BRD1: variants seen among roughly 807,000 people sequenced by gnomAD.
BRD1 encodes bromodomain containing 1, also known as bromodomain-containing protein 1.
Under a neutral mutation model 107.7 loss-of-function variants are expected in BRD1, and 24 were observed. The ratio of observed to expected loss-of-function variants is 0.22; its 90% CI spans 0.16 to 0.31. BRD1 has a LOEUF of 0.31. Among genes scored for constraint, BRD1 ranks in the 10% least tolerant of loss-of-function variants. The pLI, the probability that BRD1 is intolerant of heterozygous loss-of-function variation, is 1.00. For synonymous variants in BRD1, 744 were observed against 686.1 expected (o/e 1.08, Z -1.32); for missense variants, 1,279 against 1,638.6 (o/e 0.78, Z 3.79).
rs1440645198 is a variant in BRD1, at chr22:49,824,980, AACAGGGGAGCCCT to A, written c.-14-662_-14-650del. Among the ~76,000 whole-genome samples the A allele has an allele frequency of 3.9e-5, 6 of 152,206 alleles. No individual in the cohort carries two copies. The South Asian group carries it at 8.3e-4, about 21-fold the overall frequency. On this transcript the variant is annotated intron_variant, in intron 1 of 12. Coordinates refer to ENST00000404760, the MANE Select transcript of BRD1 (RefSeq NM_001304808.3). The surrounding 1 kb of genome is among the most constrained non-coding windows in gnomAD (Gnocchi z 5.9). The stretch of plus-strand genomic sequence containing the variant: ...CACGCACAACACGGCACAGGGGACC[AACAGGGGAGCCCT>A]GTACTGGTCTGAGGGGACAGTCTTG...
At position 49,823,495 on chromosome 22, in the gene BRD1, G is replaced by C; in HGVS notation, c.823C>G (p.Pro275Ala). 6.2e-7 allele frequency: 1 copy of C among 1,606,510 alleles called. No homozygotes were observed. ...TTTTTGAAGGCACCACCCTTGTTGG[G>C]GCACAGCACACAGTCGGCGGGCCGG... Reference protein sequence around the residue: ...RARPADCVLCPNKGGAFKKTD... With the variant: ...RARPADCVLCANKGGAFKKTD... The change falls in exon 2 of 13, where the codon CCC (proline) becomes GCC (alanine). Residue 275 changes from proline to alanine, a missense_variant. Coordinates refer to ENST00000404760, the MANE Select transcript of BRD1 (RefSeq NM_001304808.3).
At chr22:49,819,123 C>A (rs1305697026) in intron 2 of BRD1, among the ~76,000 whole-genome samples, 2 of 150,758 alleles carry the variant, frequency 1.3e-5, no homozygotes, top group South Asian at 4.2e-4. Flanking sequence ...AGCCAGACAC[C>A]GTGGCACACA....
At chr22:49,787,297 A>ACCCCCCCCCC in intron 8 of BRD1, 93 bp downstream of exon 8, 1 of 896,438 alleles carries the variant, frequency 1.1e-6, no homozygotes, top group Non-Finnish European at 1.6e-6. Context: ...CAGAAGCTGG[A>ACCCCCCCCCC]CACCCCCCCC....
intron 9 of BRD1, 111 bp downstream of exon 9, chr22:49,777,567 T>C: frequency 6.8e-7 from 1 of 1,463,366 alleles, no homozygotes; most frequent in South Asian, 1.3e-5. Flanking sequence ...GGCCAGAATT[T>C]TTCAGAGAAC....
chr22:49,783,146 T>TGC lies in BRD1; in HGVS notation c.2857+4243_2857+4244insGC, dbSNP rs2059246894. On this transcript the variant is annotated intron_variant, in intron 8 of 12. Transcript: ENST00000404760. The surrounding 1 kb of genome is among the most constrained non-coding windows in gnomAD (Gnocchi z 4.2). ...CTGCTCTTGCTGGGACCCAGCTCCATGACAATGCAGCTGGGATGGTCAGAG... is the reference window on the plus strand; with the variant it reads ...CTGCTCTTGCTGGGACCCAGCTCCATGCGACAATGCAGCTGGGATGGTCAGAG... Among the ~76,000 whole-genome samples the TGC allele has an allele frequency of 6.7e-6, 1 of 148,908 alleles. No individual in the cohort carries two copies. The highest frequency in any genetic ancestry group is 2.5e-5 in the African/African-American group (1 of 40,234).
rs1037404429 is a variant in BRD1, at chr22:49,802,925, C to T, written c.1524+1279G>A. Reference sequence around the variant, plus strand: ...CACTGAAGCCTCAACTCTGTGGACACGTGAGGATCTCACTTGGAGAGGGGC... The same window carrying T: ...CACTGAAGCCTCAACTCTGTGGACATGTGAGGATCTCACTTGGAGAGGGGC... On this transcript the variant is annotated intron_variant, in intron 3 of 12. Transcript: ENST00000404760. Among the ~76,000 whole-genome samples the T allele has an allele frequency of 2.6e-5, 4 of 152,280 alleles. No homozygotes were observed. The East Asian group carries it at 5.8e-4, about 22-fold the overall frequency.
At chr22:49,778,316 T>C (rs2059139794) in intron 8 of BRD1, among the ~76,000 whole-genome samples, 1 of 152,218 alleles carries the variant, frequency 6.6e-6, no homozygotes, top group Admixed American at 6.5e-5. Flanking sequence ...GAAAAAACCT[T>C]GGTTCAAAAG....
Position 49,783,586 on chromosome 22 carries a change from C to G in BRD1, c.2857+3804G>C, listed in dbSNP as rs2059258539. Among the ~76,000 whole-genome samples the G allele has an allele frequency of 6.6e-6, 1 of 152,208 alleles. No homozygotes were observed. The highest frequency in any genetic ancestry group is 6.5e-5 in the Admixed American group (1 of 15,282). On this transcript the variant is annotated intron_variant, in intron 8 of 12. Transcript: ENST00000404760. This position sits in a 1 kb window ranked among gnomAD's most constrained non-coding sequence, Gnocchi z 4.2. ...AGCCTCAGAATGCTGTCCACTGTGT[C>G]GTCAGCTGCAGCAGGCTCCCAGTCG... is the stretch of plus-strand genomic sequence containing the variant.
At chr22:49,775,388 CA>C in intron 12 of BRD1, 1 of 435,728 alleles carries the variant, frequency 2.3e-6, no homozygotes, top group East Asian at 3.5e-5. Context: ...ACCCGGTGCT[CA>C]GTGCCCGTCC....
chr22:49,814,784 C>G (rs1209660294), intron 2 of BRD1, among the ~76,000 whole-genome samples: 2 of 152,212 alleles, frequency 1.3e-5, no homozygotes, highest in Non-Finnish European at 2.9e-5. Flanking sequence ...TGGCAGTAAT[C>G]TGCCCCGCTG....
At chr22:49,826,794 G>C (rs1345793086) in intron 1 of BRD1, among the ~76,000 whole-genome samples, 1 of 152,206 alleles carries the variant, frequency 6.6e-6, no homozygotes, top group Non-Finnish European at 1.5e-5. Context: ...GCGCTTTCTG[G>C]GGAGACGGGG....
intron 2 of BRD1, among the ~76,000 whole-genome samples, chr22:49,819,279 G>C (rs1216707008): frequency 1.3e-5 from 2 of 151,166 alleles, no homozygotes; most frequent in Non-Finnish European, 3.0e-5. Flanking sequence ...AAGAAGAACA[G>C]AAAAGAAAAA....
Position 49,776,074 on chromosome 22 carries a change from G to A in BRD1, c.3207C>T (p.Ser1069=), listed in dbSNP as rs199507783. ...EPLKVVWAKC[S]GYPSYPALII... ...CCAGTGCCGGGTAGGAGGGGTAGCC[G>A]CTGCACTTGGCCCACACCACCTTCA... is the stretch of plus-strand genomic sequence containing the variant. Residue 1069 remains serine, a synonymous_variant, in exon 11 of 13, where the codon AGC becomes AGT. Coordinates refer to ENST00000404760, the MANE Select transcript of BRD1 (RefSeq NM_001304808.3). The A allele has an allele frequency of 4.0e-5, 63 of 1,588,208 alleles. No individual in the cohort carries two copies. The highest frequency in any genetic ancestry group is 2.0e-4 in the African/African-American group (14 of 68,538).
chr22:49,824,800 C>T lies in BRD1; in HGVS notation c.-14-469G>A, dbSNP rs1440210162. 9.9e-7 allele frequency: 1 copy of T among 1,011,446 alleles called. No individual in the cohort carries two copies. The highest frequency in any genetic ancestry group is 1.2e-6 in the Non-Finnish European group (1 of 843,876). The allele number at this position is 1,011,446 out of a possible 1,614,324, so 62.7% of individuals were successfully genotyped here. A position where few individuals can be genotyped will look rare whatever the true frequency, so the allele number is the denominator to read the frequency against. On this transcript the variant is annotated intron_variant, in intron 1 of 12. Transcript: ENST00000404760. This position sits in a 1 kb window ranked among gnomAD's most constrained non-coding sequence, Gnocchi z 5.9. ...ATGCTCAGTGGCTACCTGGTCCTATCGGATGCTCCCCCTAAACCACTCTTC... is the reference window on the plus strand; with the variant it reads ...ATGCTCAGTGGCTACCTGGTCCTATTGGATGCTCCCCCTAAACCACTCTTC...
At chr22:49,782,561 G>A (rs1364285572) in intron 8 of BRD1, among the ~76,000 whole-genome samples, 2 of 121,480 alleles carry the variant, frequency 1.6e-5, no homozygotes, top group Non-Finnish European at 1.7e-5. Context: ...AAGGCCCATC[G>A]TGCTGGGACT....
At chr22:49,785,193 G>A (rs1005424731) in intron 8 of BRD1, among the ~76,000 whole-genome samples, 7 of 152,256 alleles carry the variant, frequency 4.6e-5, no homozygotes, top group Admixed American at 1.3e-4. Context: ...GGACGTGGCC[G>A]CCAGCCGGCA....
At position 49,798,519 on chromosome 22, in the gene BRD1, A is replaced by G. The variant is rs771011079; in HGVS notation, c.1785+39T>C. On this transcript the variant is annotated intron_variant, in intron 5 of 12. Transcript: ENST00000404760. ...CAAACGGCAGCACAAATCCACAGTC[A>G]CACATGCGGCAGGACAGACGAGCGC... 4 of 1,614,076 alleles carry G rather than the reference A, an allele frequency of 2.5e-6. No individual in the cohort carries two copies. In the South Asian group the frequency reaches 3.3e-5, roughly 13 times the overall value.
intron 8 of BRD1, among the ~76,000 whole-genome samples, chr22:49,782,236 C>T (rs1489681517): frequency 6.6e-6 from 1 of 151,506 alleles, no homozygotes; most frequent in Non-Finnish European, 1.5e-5. Context: ...CGCTCCGTGA[C>T]AATGCAGCTG....
rs1175231245 is a variant in BRD1, at chr22:49,798,072, T to C, written c.1831A>G (p.Thr611Ala). ...TGAGCTTCTAACCGTTTCCTCATTG[T>C]GGCAAAGTCCATGGGATGTTTAATG... ...DHIKHPMDFA[T>A]MRKRLEAQGY... Residue 611 changes from threonine (T) to alanine (A), a missense_variant, in exon 6 of 13, where the codon ACA becomes GCA. Thr to Ala is a moderately conservative substitution (Grantham distance 58). Coordinates refer to ENST00000404760, the MANE Select transcript of BRD1 (RefSeq NM_001304808.3). The C allele has an allele frequency of 6.2e-7, 1 of 1,613,830 alleles. No homozygotes were observed. The highest frequency in any genetic ancestry group is 1.7e-5 in the Admixed American group (1 of 60,002).
Sources: allele counts gnomAD v4.1 joint callset (sites outside exome capture counted in the v4.1 genomes callset), GRCh38; gene constraint gnomAD v4.1.1; non-coding constraint Gnocchi (gnomAD v3.1); transcripts MANE v1.5; gene names NCBI Gene and HGNC (gene_info 2026-07-23, HGNC 2026-07-21).